ARID3A: variants seen among roughly 807,000 people sequenced by gnomAD.
The protein encoded by ARID3A is AT-rich interactive domain-containing protein 3A.
Under a neutral mutation model 52.7 loss-of-function variants are expected in ARID3A, and 11 were observed. The ratio of observed to expected loss-of-function variants is 0.21; its 90% CI spans 0.13 to 0.35. The LOEUF is 0.35. Among genes scored for constraint, ARID3A ranks in the 10% least tolerant of loss-of-function variants. ARID3A has a pLI of 1.00. For synonymous variants in ARID3A, 404 were observed against 359.4 expected, an observed-to-expected ratio of 1.12 and a Z score of -1.40; for missense variants, 721 against 838.5, an observed-to-expected ratio of 0.86 and a Z score of 1.73.
In ARID3A at chr19:944,325, G is replaced by T. The variant is rs551963916; in HGVS notation, c.693+11583G>T. 9.3e-4 allele frequency among the ~76,000 whole-genome samples: 140 copies of T among 149,840 alleles called. 1 individual carries two copies. The highest frequency in any genetic ancestry group is 6.9e-3 in the Middle Eastern group (2 of 288). ...TCTGGCTGCAGGGGCGCGTCCAGGGGGTGTGTGTGTGTGTGTGTGTGTGTC... is the reference window on the plus strand; with the variant it reads ...TCTGGCTGCAGGGGCGCGTCCAGGGTGTGTGTGTGTGTGTGTGTGTGTGTC... On this transcript the variant is annotated intron_variant, in intron 3 of 8. Coordinates refer to ENST00000263620, the MANE Select transcript of ARID3A (RefSeq NM_005224.3). This position sits in a 1 kb window ranked among gnomAD's most constrained non-coding sequence, Gnocchi z 5.9.
At chr19:955,061 C>T (rs1466561121) in intron 3 of ARID3A, among the ~76,000 whole-genome samples, 4 of 152,178 alleles carry the variant, frequency 2.6e-5, no homozygotes, top group African/African-American at 7.2e-5. Flanking sequence ...TTCTGGTTGA[C>T]GTTTCAGAGG....
chr19:965,527 CAAA>C (rs113686728), intron 6 of ARID3A, among the ~76,000 whole-genome samples: 166 of 125,416 alleles, frequency 1.3e-3, no homozygotes, highest in African/African-American at 4.4e-3. Context: ...GACCCCATCT[CAAA>C]AAAAAAAAAA....
intron 3 of ARID3A, among the ~76,000 whole-genome samples, chr19:954,918 G>A (rs990013618): frequency 3.3e-5 from 5 of 152,188 alleles, no homozygotes; most frequent in African/African-American, 4.8e-5. Flanking sequence ...GAGGTCAGGC[G>A]GCGTGGAGGG....
chr19:939,134 A>C (rs1182073406), intron 3 of ARID3A, among the ~76,000 whole-genome samples: 1 of 138,134 alleles, frequency 7.2e-6, no homozygotes, highest in Non-Finnish European at 1.5e-5. Flanking sequence ...TATTATTATT[A>C]TTTTAGACGG....
intron 6 of ARID3A, 181 bp downstream of exon 6, chr19:965,261 C>T: frequency 1.4e-6 from 1 of 697,924 alleles, no homozygotes; most frequent in Non-Finnish European, 2.3e-6. Context: ...AATCCATCAC[C>T]ATTTTCTAAT....
In ARID3A at chr19:944,653, T is replaced by A. The variant is rs1308755630; in HGVS notation, c.693+11911T>A. On this transcript the variant is annotated intron_variant, in intron 3 of 8. Coordinates refer to ENST00000263620, the MANE Select transcript of ARID3A (RefSeq NM_005224.3). This position sits in a 1 kb window ranked among gnomAD's most constrained non-coding sequence, Gnocchi z 5.9. Reference sequence around the variant, plus strand: ...TTCGGGGGTGGATTTTGAGACAGGGTCTCGTGCTGTCACCCAGGCTGGAGT... The same window carrying A: ...TTCGGGGGTGGATTTTGAGACAGGGACTCGTGCTGTCACCCAGGCTGGAGT... Among the ~76,000 whole-genome samples the A allele has an allele frequency of 6.6e-6, 1 of 152,018 alleles. No homozygotes were observed. Among genetic ancestry groups the A allele is most frequent in the East Asian group, 1.9e-4 (1 of 5,190 alleles).
rs143801002 is a variant in ARID3A at position 936,565 on chromosome 19, G to A, written c.693+3823G>A. Among the ~76,000 whole-genome samples, 990 of 152,142 alleles carry A rather than the reference G, an allele frequency of 6.5e-3. 10 individuals carry two copies. Among genetic ancestry groups the A allele is most frequent in the African/African-American group, 0.022 (892 of 41,488 alleles). On this transcript the variant is annotated intron_variant, in intron 3 of 8. Transcript: ENST00000263620. ...CTCGAAAAAATAAGAAGGATAGGGT[G>A]GGTGCAGTGGCTCACGTCTGCAATC...
chr19:936,365 C>A (rs533212982), intron 3 of ARID3A, among the ~76,000 whole-genome samples: 4 of 151,914 alleles, frequency 2.6e-5, no homozygotes, highest in African/African-American at 9.7e-5. Flanking sequence ...CCAGCCTGGG[C>A]GGTATAGCAA....
chr19:955,842 G>A (rs62132351), intron 3 of ARID3A, among the ~76,000 whole-genome samples: 10 of 152,274 alleles, frequency 6.6e-5, no homozygotes, highest in Admixed American at 2.6e-4. Flanking sequence ...GCTGCGTAAC[G>A]AAGGACCTCA....
At chr19:967,826 C>T (rs1418686359) in intron 7 of ARID3A, among the ~76,000 whole-genome samples, 1 of 151,736 alleles carries the variant, frequency 6.6e-6, no homozygotes. Flanking sequence ...GGGCAGATCA[C>T]CTGAGGCCAG....
chr19:972,665 G>A lies in ARID3A; in HGVS notation c.*600G>A, dbSNP rs138027633. ...CTCTGTAGGGTTTTTAAGAGGTTTC[G>A]GGGGTTTTGTTGTGTAAATATTCTA... On this transcript the variant is annotated 3_prime_UTR_variant, in exon 9 of 9. Transcript: ENST00000263620. The A allele has an allele frequency of 9.0e-4, 198 of 219,954 alleles. 3 individuals carry two copies. In the East Asian group the frequency reaches 0.011, roughly 12 times the overall value. The allele number at this position is 219,954 out of a possible 1,614,324, so 13.6% of individuals were successfully genotyped here.
intron 8 of ARID3A, among the ~76,000 whole-genome samples, chr19:970,508 T>C (rs1248538744): frequency 1.3e-4 from 18 of 138,390 alleles, no homozygotes; most frequent in Admixed American, 4.2e-4. Context: ...CTTTTTTTTT[T>C]TTTTTTTTTT....
intron 3 of ARID3A, among the ~76,000 whole-genome samples, chr19:952,127 C>A (rs545651603): frequency 6.6e-6 from 1 of 151,664 alleles, no homozygotes; most frequent in African/African-American, 2.4e-5. Flanking sequence ...AGCGACAGAG[C>A]GAGACTCGGT....
intron 3 of ARID3A, among the ~76,000 whole-genome samples, chr19:939,957 A>G (rs531725632): frequency 1.3e-5 from 2 of 152,216 alleles, no homozygotes; most frequent in African/African-American, 4.8e-5. Flanking sequence ...TGAAGGTAGC[A>G]CTGGGGTCTG....
At chr19:946,974 T>C (rs1179395642) in intron 3 of ARID3A, among the ~76,000 whole-genome samples, 1 of 151,780 alleles carries the variant, frequency 6.6e-6, no homozygotes, top group Admixed American at 6.6e-5. Flanking sequence ...TTTTTTTTTT[T>C]TGTAAAAACA....
intron 3 of ARID3A, among the ~76,000 whole-genome samples, chr19:939,683 G>T (rs2037506675): frequency 6.6e-6 from 1 of 152,088 alleles, no homozygotes; most frequent in African/African-American, 2.4e-5. Context: ...GTCGTAATTG[G>T]GATGTTCCGA....
chr19:972,040 C>G lies in ARID3A; in HGVS notation c.1757C>G (p.Ser586Cys). 1 of 1,579,662 alleles carries G rather than the reference C, an allele frequency of 6.3e-7. No homozygotes were observed. The highest frequency in any genetic ancestry group is 8.6e-7 in the Non-Finnish European group (1 of 1,164,982). ...GCGGGGCTGTCCACACCCTCCACAT[C>G]TACCTCAAATAACTCGTTGCCTTAA... ...GPAGLSTPST[S>C]TSNNSLP is the part of the protein sequence containing the mutation. The change falls in exon 9 of 9, where the codon TCT (serine) becomes TGT (cysteine). Residue 586 changes from serine to cysteine, a missense_variant. This residue lies in a region of ARID3A where 297 missense variants were observed against 343.2 expected (regional missense o/e 0.87). Transcript: ENST00000263620.
Position 974,490 on chromosome 19 carries a change from C to G in ARID3A, c.*2425C>G. The G allele has an allele frequency of 4.3e-6, 1 of 231,002 alleles. No individual in the cohort carries two copies. Among genetic ancestry groups the G allele is most frequent in the Non-Finnish European group, 8.6e-6 (1 of 116,614 alleles). 14.3% of individuals were successfully genotyped at this position (231,002 alleles called of 1,614,324 possible). A position where few individuals can be genotyped will look rare whatever the true frequency, so the allele number is the denominator to read the frequency against. On this transcript the variant is annotated 3_prime_UTR_variant, in exon 9 of 9. Coordinates refer to ENST00000263620, the MANE Select transcript of ARID3A (RefSeq NM_005224.3). ...CGGGACCCCCGTCCCACGCCTGGGC[C>G]CCGCGCCGGGGGAAGCGCCTGCTGC...
chr19:960,318 T>C lies in ARID3A; in HGVS notation c.766+154T>C, dbSNP rs2038013474. 6.6e-6 allele frequency among the ~76,000 whole-genome samples: 1 copy of C among 151,970 alleles called. No homozygotes were observed. The highest frequency in any genetic ancestry group is 1.5e-5 in the Non-Finnish European group (1 of 67,982). On this transcript the variant is annotated intron_variant, in intron 4 of 8. Transcript: ENST00000263620. The surrounding 1 kb of genome is among the most constrained non-coding windows in gnomAD (Gnocchi z 4.3). ...AATCGGGAGGGACTTCAGGGGTGTC[T>C]TGGGGGGAAACACATCCTGCCATGG...
Sources: gnomAD v4.1 joint callset for allele counts (sites outside exome capture counted in the v4.1 genomes callset) on GRCh38, gnomAD v4.1.1 for gene constraint, gnomAD v4.1.1 regional missense constraint, Gnocchi (gnomAD v3.1) non-coding constraint, MANE v1.5 for transcripts, NCBI Gene and HGNC (gene_info 2026-07-23, HGNC 2026-07-21) for gene names.